Variants in FOCAD observed in about 807,000 individuals in gnomAD.
FOCAD encodes KIAA1797.
FOCAD carries 198 observed loss-of-function variants against 225.6 expected under a neutral mutation model. That is an observed-to-expected ratio of 0.88 (90% CI 0.78 to 0.99). FOCAD has a LOEUF of 0.99. Among genes scored for constraint, FOCAD ranks in the 50% least tolerant of loss-of-function variants. The pLI is 0.00. For missense variants in FOCAD, 2,713 were observed against 2,123.6 expected (o/e 1.28, Z -5.46); for synonymous variants, 897 against 755.0 (o/e 1.19, Z -3.08).
At chr9:20,721,513 C>G (rs1366466534) in intron 4 of FOCAD, among the ~76,000 whole-genome samples, 1 of 151,986 alleles carries the variant, frequency 6.6e-6, no homozygotes, top group African/African-American at 2.4e-5. Flanking sequence ...ACCAGCCTGG[C>G]CAACATGATG....
chr9:20,689,435 C>A (rs562281106), intron 1 of FOCAD, among the ~76,000 whole-genome samples: 1 of 150,762 alleles, frequency 6.6e-6, no homozygotes, highest in South Asian at 2.1e-4. Flanking sequence ...GATGTTATGC[C>A]CTCAAAAGTA....
intron 11 of FOCAD, among the ~76,000 whole-genome samples, chr9:20,809,889 A>T (rs887718380): frequency 1.3e-5 from 2 of 152,144 alleles, no homozygotes; most frequent in Non-Finnish European, 2.9e-5. Flanking sequence ...GGAATACTCT[A>T]GAAGTTATTC....
At chr9:20,708,523 C>G (rs937106608) in intron 1 of FOCAD, among the ~76,000 whole-genome samples, 1 of 152,076 alleles carries the variant, frequency 6.6e-6, no homozygotes, top group Non-Finnish European at 1.5e-5. Flanking sequence ...AATCCCAGTG[C>G]TTTGGGAGGC....
chr9:20,796,473 C>G (rs1212510953), intron 11 of FOCAD, among the ~76,000 whole-genome samples: 1 of 152,096 alleles, frequency 6.6e-6, no homozygotes, highest in African/African-American at 2.4e-5. Flanking sequence ...CTCTCCAGCA[C>G]CTGTTGTTTC....
intron 22 of FOCAD, among the ~76,000 whole-genome samples, chr9:20,912,362 A>T (rs1281490008): frequency 6.6e-6 from 1 of 152,106 alleles, no homozygotes; most frequent in African/African-American, 2.4e-5. Context: ...ACCTATTTTT[A>T]TAAGTTCACT....
intron 15 of FOCAD, among the ~76,000 whole-genome samples, chr9:20,845,060 A>C (rs1345566064): frequency 6.6e-6 from 1 of 152,100 alleles, no homozygotes; most frequent in Non-Finnish European, 1.5e-5. Context: ...GGCAGAGTTT[A>C]TTATGAGACT....
chr9:20,919,256 AG>A (rs1406546965), intron 24 of FOCAD, among the ~76,000 whole-genome samples: 2 of 152,216 alleles, frequency 1.3e-5, no homozygotes, highest in Non-Finnish European at 2.9e-5. Flanking sequence ...CCAACTTACA[AG>A]GGACGTGAAG....
intron 6 of FOCAD, among the ~76,000 whole-genome samples, chr9:20,760,460 A>T (rs1351675143): frequency 1.3e-5 from 2 of 152,224 alleles, no homozygotes; most frequent in African/African-American, 4.8e-5. Flanking sequence ...CTCGCAGTTT[A>T]TGCTTTAGCA....
At chr9:20,934,589 G>A (rs775083996) in intron 28 of FOCAD, among the ~76,000 whole-genome samples, 48 of 151,566 alleles carry the variant, frequency 3.2e-4, no homozygotes, top group Admixed American at 2.2e-3. Context: ...ATTCTGTTCC[G>A]TTGTTCTATG....
chr9:20,975,939 G>C (rs901025933), intron 35 of FOCAD, among the ~76,000 whole-genome samples: 1 of 152,132 alleles, frequency 6.6e-6, no homozygotes, highest in African/African-American at 2.4e-5. Flanking sequence ...TGAGGGATTG[G>C]TTAAAGGAAA....
chr9:20,908,981 T>G (rs998349148), intron 22 of FOCAD, among the ~76,000 whole-genome samples: 1 of 152,000 alleles, frequency 6.6e-6, no homozygotes, highest in Non-Finnish European at 1.5e-5. Flanking sequence ...CTTTGATGCA[T>G]TAATAAAGGA....
At chr9:20,706,963 G>A (rs1386779451) in intron 1 of FOCAD, among the ~76,000 whole-genome samples, 1 of 152,162 alleles carries the variant, frequency 6.6e-6, no homozygotes, top group African/African-American at 2.4e-5. Flanking sequence ...AGAGAGAGTG[G>A]AGGAAGCAGA....
chr9:20,707,605 A>G (rs1824496796), intron 1 of FOCAD, among the ~76,000 whole-genome samples: 1 of 152,340 alleles, frequency 6.6e-6, no homozygotes, highest in Admixed American at 6.5e-5. Flanking sequence ...AGAAAATCAT[A>G]AAGAAGAGAA....
Position 20,705,955 on chromosome 9 carries a change from A to G in FOCAD, c.-32-9367A>G, listed in dbSNP as rs1322877939. ...TTTTTTTTTTTTTTTTTTTTTTTTA[A>G]ACAGTGGCTGGTTCTGTCACCCAGG... On this transcript the variant is annotated intron_variant, in intron 1 of 43. Coordinates refer to ENST00000338382, the MANE Select transcript of FOCAD (RefSeq NM_001375567.1). 6.2e-5 allele frequency among the ~76,000 whole-genome samples: 7 copies of G among 113,424 alleles called. No homozygotes were observed. The South Asian group carries it at 1.6e-3, about 26-fold the overall frequency. 74.4% of individuals were successfully genotyped at this position (113,424 alleles called of 152,430 possible).
chr9:20,725,999 A>G (rs996138762), intron 4 of FOCAD, among the ~76,000 whole-genome samples: 1 of 152,144 alleles, frequency 6.6e-6, no homozygotes, highest in Non-Finnish European at 1.5e-5. Context: ...TTCCCTAGGG[A>G]GGGTGAAGGA....
At chr9:20,954,652 C>T (rs1837973918) in intron 35 of FOCAD, among the ~76,000 whole-genome samples, 1 of 152,116 alleles carries the variant, frequency 6.6e-6, no homozygotes, top group Non-Finnish European at 1.5e-5. Flanking sequence ...TCAAGTGGAA[C>T]TGGAATCAGT....
At chr9:20,778,911 C>T (rs963195426) in intron 9 of FOCAD, 143 bp downstream of exon 9, 9 of 502,500 alleles carry the variant, frequency 1.8e-5, no homozygotes, top group Admixed American at 6.8e-5. Flanking sequence ...AATTTTTTTT[C>T]TTGTCTAATA....
intron 15 of FOCAD, among the ~76,000 whole-genome samples, chr9:20,849,810 A>G (rs1180391986): frequency 6.6e-6 from 1 of 151,846 alleles, no homozygotes; most frequent in African/African-American, 2.4e-5. Flanking sequence ...TTTCCCAGCT[A>G]TCCTTTCATA....
chr9:20,717,941 C>A, intron 3 of FOCAD, 73 bp downstream of exon 3: 2 of 1,135,448 alleles, frequency 1.8e-6, no homozygotes, highest in Non-Finnish European at 2.6e-6. Context: ...ATGCACCTGT[C>A]TTGTTTCCCT....
Sources: gnomAD v4.1 joint callset for allele counts (sites outside exome capture counted in the v4.1 genomes callset) on GRCh38, gnomAD v4.1.1 for gene constraint, MANE v1.5 for transcripts, NCBI Gene and HGNC (gene_info 2026-07-23, HGNC 2026-07-21) for gene names.